ABHD17A: variants seen among roughly 807,000 people sequenced by gnomAD.
ABHD17A encodes alpha/beta hydrolase domain-containing protein 17A.
A neutral mutation model predicts 26.8 loss-of-function variants in ABHD17A; 10 were observed. That is an observed-to-expected ratio of 0.37 (90% CI 0.23 to 0.63). The LOEUF is 0.63. ABHD17A is among the 30% of genes least tolerant of loss of function. The pLI is 0.61. For synonymous variants in ABHD17A, 167 were observed against 210.9 expected, an observed-to-expected ratio of 0.79 and a Z score of 1.80; for missense variants, 292 against 457.3, an observed-to-expected ratio of 0.64 and a Z score of 3.30.
At chr19:1,883,371 C>T (rs2012592799) in intron 1 of ABHD17A, 1 of 152,498 alleles carries the variant, frequency 6.6e-6, no homozygotes, top group Non-Finnish European at 1.5e-5. Flanking sequence ...TCAGGCCCAA[C>T]ATCCACAGCG....
At position 1,877,706 on chromosome 19, in the gene ABHD17A, G is replaced by C; in HGVS notation, c.528-19C>G. On this transcript the variant is annotated intron_variant, in intron 3 of 4. Transcript: ENST00000292577. ...GCCGTACCTGGCGGCGCCGGAGCAGGGTCAGCCGCGGCCTCCGACGCGCGC... is the reference window on the plus strand; with the variant it reads ...GCCGTACCTGGCGGCGCCGGAGCAGCGTCAGCCGCGGCCTCCGACGCGCGC... The C allele has an allele frequency of 1.3e-6, 2 of 1,585,180 alleles. No homozygotes were observed. The highest frequency in any genetic ancestry group is 8.5e-7 in the Non-Finnish European group (1 of 1,173,890).
chr19:1,881,451 G>C lies in ABHD17A; in HGVS notation c.116C>G (p.Pro39Arg), dbSNP rs762388888. The part of the protein sequence containing the change: ...LPPEATYSLV[P>R]EPEPGPGGAG... ...CCCACCAGGCCCCGGCTCGGGCTCA[G>C]GCACCAGGGAGTAGGTGGCCTCCGG... Residue 39 changes from proline (P) to arginine (R), a missense_variant, in exon 2 of 5, where the codon CCT becomes CGT. By Grantham distance (103) the Pro-to-Arg change is moderately radical. Around this residue, in one of 4 missense-constraint regions of ABHD17A, gnomAD observed 171 missense variants for 216.1 expected, o/e 0.79. Transcript: ENST00000292577. The C allele has an allele frequency of 8.1e-6, 13 of 1,603,244 alleles. No homozygotes were observed. The highest frequency in any genetic ancestry group is 4.5e-4 in the Middle Eastern group (2 of 4,430).
chr19:1,877,977 G>T (rs1307673489), intron 3 of ABHD17A: 1 of 447,568 alleles, frequency 2.2e-6, no homozygotes, highest in Non-Finnish European at 4.0e-6. Context: ...TGGGGCGGGG[G>T]TAAGGGAGGC....
rs1190961525 is a variant in ABHD17A, at chr19:1,877,335, G to C, written c.798C>G (p.Leu266=). The change falls in exon 5 of 5, where the codon CTC becomes CTG. Residue 266 remains leucine (L), a synonymous_variant. Coordinates refer to ENST00000292577, the MANE Select transcript of ABHD17A (RefSeq NM_001130111.2). ...EVIDFSHGLA[L]YERCPKAVEP... ...CCACCGCCTTGGGGCAGCGCTCGTA[G>C]AGCGCCAGCCCGTGCGAGAAGTCGA... 6.5e-7 allele frequency: 1 copy of C among 1,534,492 alleles called. No homozygotes were observed. The highest frequency in any genetic ancestry group is 8.7e-7 in the Non-Finnish European group (1 of 1,146,674).
In ABHD17A at chr19:1,881,286, G is replaced by A. The variant is rs1293874464; in HGVS notation, c.281C>T (p.Ala94Val). 1.2e-6 allele frequency: 2 copies of A among 1,611,110 alleles called. No homozygotes were observed. The highest frequency in any genetic ancestry group is 1.7e-5 in the Admixed American group (1 of 60,016). Residue 94 changes from alanine to valine, a missense_variant, in exon 2 of 5, where the codon GCC becomes GTC. Physicochemically the swap from Ala to Val is moderately conservative, Grantham distance 64 (BLOSUM62 0). Transcript: ENST00000292577. ...DTIEVFPTKS[A>V]RGNRVSCMYV... ...CATGCAGGAGACGCGGTTGCCGCGG[G>A]CGCTCTTGGTGGGGAAGACCTCGAT...
chr19:1,881,595 C>G lies in ABHD17A; in HGVS notation c.-29G>C, dbSNP rs1340092022. On this transcript the variant is annotated 5_prime_UTR_variant, in exon 2 of 5. Transcript: ENST00000292577. ...GGGCGCCGCCCAGGCCGGGCCTCCA[C>G]CGGGGCCCCCGCCAACAACGCCGCC... 2.0e-5 allele frequency: 30 copies of G among 1,518,622 alleles called. No individual in the cohort carries two copies. Among genetic ancestry groups the G allele is most frequent in the Non-Finnish European group, 2.4e-5 (28 of 1,143,020 alleles). The allele number at this position is 1,518,622 out of a possible 1,614,324, so 94.1% of individuals were successfully genotyped here.
Position 1,877,084 on chromosome 19 carries a change from G to C in ABHD17A, c.*116C>G. The C allele has an allele frequency of 1.2e-6, 1 of 849,518 alleles. No homozygotes were observed. The highest frequency in any genetic ancestry group is 1.7e-5 in the African/African-American group (1 of 60,028). The allele number at this position is 849,518 out of a possible 1,614,324, so 52.6% of individuals were successfully genotyped here. ...TACATCGTCCACAGCCCCTGGGTCG[G>C]GGCGGGGTCCCCTGGGCCGCCCGGG... On this transcript the variant is annotated 3_prime_UTR_variant, in exon 5 of 5. Transcript: ENST00000292577.
At position 1,877,494 on chromosome 19, in the gene ABHD17A, C is replaced by G. The variant is rs1396675656; in HGVS notation, c.707+14G>C. 6.3e-7 allele frequency: 1 copy of G among 1,589,452 alleles called. No individual in the cohort carries two copies. The highest frequency in any genetic ancestry group is 8.5e-7 in the Non-Finnish European group (1 of 1,176,034). ...GGGCCCCGCCCCGCCCCCGTCCCCG[C>G]CCGGGCCGCTCACTTAGGGAAGGCG... is the stretch of plus-strand genomic sequence containing the variant. On this transcript the variant is annotated intron_variant, in intron 4 of 4. Transcript: ENST00000292577.
In ABHD17A at chr19:1,881,757, C is replaced by G. The variant is rs1599209567; in HGVS notation, c.-191G>C. On this transcript the variant is annotated 5_prime_UTR_variant, in exon 2 of 5. Coordinates refer to ENST00000292577, the MANE Select transcript of ABHD17A (RefSeq NM_001130111.2). The stretch of plus-strand genomic sequence containing the variant: ...GCCCCATCGCGGTCCAAGCCGAGCC[C>G]CAGGGAGCCTCGCAACCACAGGTCT... The G allele has an allele frequency of 2.8e-6, 2 of 722,836 alleles. No individual in the cohort carries two copies. Among genetic ancestry groups the G allele is most frequent in the East Asian group, 7.0e-5 (2 of 28,560 alleles). 44.8% of individuals were successfully genotyped at this position (722,836 alleles called of 1,614,324 possible).
In ABHD17A at chr19:1,877,077, T is replaced by C; in HGVS notation, c.*123A>G. The C allele has an allele frequency of 1.4e-6, 1 of 714,622 alleles. No homozygotes were observed. Among genetic ancestry groups the C allele is most frequent in the South Asian group, 1.9e-5 (1 of 53,628 alleles). The allele number at this position is 714,622 out of a possible 1,614,324, so 44.3% of individuals were successfully genotyped here. A position where few individuals can be genotyped will look rare whatever the true frequency, so the allele number is the denominator to read the frequency against. On this transcript the variant is annotated 3_prime_UTR_variant, in exon 5 of 5. Transcript: ENST00000292577. ...TTGCCTGTACATCGTCCACAGCCCC[T>C]GGGTCGGGGCGGGGTCCCCTGGGCC... is the stretch of plus-strand genomic sequence containing the variant.
Position 1,880,962 on chromosome 19 carries a change from C to T in ABHD17A, c.332+273G>A. 1 of 1,612,718 alleles carries T rather than the reference C, an allele frequency of 6.2e-7. No homozygotes were observed. Among genetic ancestry groups the T allele is most frequent in the Non-Finnish European group, 8.5e-7 (1 of 1,179,654 alleles). On this transcript the variant is annotated intron_variant, in intron 2 of 4. Coordinates refer to ENST00000292577, the MANE Select transcript of ABHD17A (RefSeq NM_001130111.2). The surrounding 1 kb of genome is among the most constrained non-coding windows in gnomAD (Gnocchi z 4.1). ...TGTGCCCCAGCTCTTGCCCAGCAGG[C>T]AACCACCAGGCGCTGGGTTGTTGGA... is the stretch of plus-strand genomic sequence containing the variant.
At chr19:1,885,115 C>T (rs2012643197) in intron 1 of ABHD17A, among the ~76,000 whole-genome samples, 1 of 152,182 alleles carries the variant, frequency 6.6e-6, no homozygotes, top group African/African-American at 2.4e-5. Flanking sequence ...GGGCCGCGTC[C>T]GCAGGAGGGT....
rs576225751 is a variant in ABHD17A at position 1,877,102 on chromosome 19, C to A, written c.*98G>T. 6.6e-3 allele frequency: 8,334 copies of A among 1,271,618 alleles called. 29 individuals are homozygous for A. Among genetic ancestry groups the A allele is most frequent in the Middle Eastern group, 0.012 (43 of 3,650 alleles). The allele number at this position is 1,271,618 out of a possible 1,614,324, so 78.8% of individuals were successfully genotyped here. ...TGGGTCGGGGCGGGGTCCCCTGGGC[C>A]GCCCGGGGGGTCCACATGCAGCCCC... On this transcript the variant is annotated 3_prime_UTR_variant, in exon 5 of 5. Transcript: ENST00000292577.
In ABHD17A at chr19:1,879,807, G is replaced by A; in HGVS notation, c.527+114C>T. ...TCTCTGGCCCTGTGCATCCACTGTGGCTCCCCTCCTGCAGGGCCGCCCACC... is the reference window on the plus strand; with the variant it reads ...TCTCTGGCCCTGTGCATCCACTGTGACTCCCCTCCTGCAGGGCCGCCCACC... On this transcript the variant is annotated intron_variant, in intron 3 of 4. Coordinates refer to ENST00000292577, the MANE Select transcript of ABHD17A (RefSeq NM_001130111.2). The surrounding 1 kb of genome is among the most constrained non-coding windows in gnomAD (Gnocchi z 7.6). 9.3e-7 allele frequency: 1 copy of A among 1,074,298 alleles called. No individual in the cohort carries two copies. Among genetic ancestry groups the A allele is most frequent in the Non-Finnish European group, 1.3e-6 (1 of 751,006 alleles). 66.5% of individuals were successfully genotyped at this position (1,074,298 alleles called of 1,614,324 possible). A position where few individuals can be genotyped will look rare whatever the true frequency, so the allele number is the denominator to read the frequency against.
chr19:1,880,766 G>C lies in ABHD17A; in HGVS notation c.332+469C>G, dbSNP rs2012500127. 5.9e-6 allele frequency: 8 copies of C among 1,345,878 alleles called. No individual in the cohort carries two copies. Among genetic ancestry groups the C allele is most frequent in the Non-Finnish European group, 8.1e-6 (8 of 985,060 alleles). 83.4% of individuals were successfully genotyped at this position (1,345,878 alleles called of 1,614,324 possible). On this transcript the variant is annotated intron_variant, in intron 2 of 4. Coordinates refer to ENST00000292577, the MANE Select transcript of ABHD17A (RefSeq NM_001130111.2). The surrounding 1 kb of genome is among the most constrained non-coding windows in gnomAD (Gnocchi z 4.1). Reference sequence around the variant, plus strand: ...CTTCCCAGCACGGGAGCTGCCCCAGGTGGTGCCAGGAGCAGGTGGCCAGGC... The same window carrying C: ...CTTCCCAGCACGGGAGCTGCCCCAGCTGGTGCCAGGAGCAGGTGGCCAGGC...
chr19:1,877,522 G>C lies in ABHD17A; in HGVS notation c.693C>G (p.Phe231Leu), dbSNP rs750526442. Residue 231 changes from phenylalanine to leucine, a missense_variant, in exon 4 of 5, where the codon TTC becomes TTG. Phe to Leu is a conservative substitution (Grantham distance 22, BLOSUM62 0). This residue lies in a region of ABHD17A where 88 missense variants were observed against 134.3 expected (regional missense o/e 0.66). Transcript: ENST00000292577. ...AFPDTKKTYC[F>L]DAFPNIEKVS... ...GGGCCGCTCACTTAGGGAAGGCGTC[G>C]AAGCAGTAGGTCTTCTTGGTGTCGG... 1.9e-6 allele frequency: 3 copies of C among 1,595,132 alleles called. No homozygotes were observed. The highest frequency in any genetic ancestry group is 2.5e-6 in the Non-Finnish European group (3 of 1,178,778).
intron 1 of ABHD17A, among the ~76,000 whole-genome samples, chr19:1,884,931 AG>A (rs779289401): frequency 4.2e-4 from 64 of 152,326 alleles, no homozygotes; most frequent in Admixed American, 2.6e-4. Context: ...TCAGGGTGGC[AG>A]GAAGAAGCCT....
chr19:1,883,070 C>G (rs2012585971), intron 1 of ABHD17A: 1 of 152,186 alleles, frequency 6.6e-6, no homozygotes, highest in Non-Finnish European at 1.5e-5. Flanking sequence ...TCCTGTGAGC[C>G]GGACTCATGG....
At chr19:1,881,110 C>T in intron 2 of ABHD17A, 125 bp downstream of exon 2, 1 of 1,568,954 alleles carries the variant, frequency 6.4e-7, no homozygotes, top group Non-Finnish European at 8.7e-7. Context: ...CCCTTGCTGG[C>T]TGGATGGCCC....
Sources: gnomAD v4.1 joint callset for allele counts (sites outside exome capture counted in the v4.1 genomes callset) on GRCh38, gnomAD v4.1.1 for gene constraint, gnomAD v4.1.1 regional missense constraint, Gnocchi (gnomAD v3.1) non-coding constraint, MANE v1.5 for transcripts, NCBI Gene and HGNC (gene_info 2026-07-23, HGNC 2026-07-21) for gene names.